The following TBPL1 variants were observed in gnomAD, a reference collection of about 807,000 sequenced individuals.
TBPL1 encodes the protein TATA box-binding protein-like 1.
A neutral mutation model predicts 22.1 loss-of-function variants in TBPL1; 4 were observed. The observed-to-expected ratio is 0.18, with a 90% CI of 0.09 to 0.41. The LOEUF is 0.41. Ranked by LOEUF, TBPL1 falls within the 10% of genes least tolerant of loss-of-function variation. The pLI is 1.00. For missense variants in TBPL1, 115 were observed against 222.3 expected (o/e 0.52, Z 3.07); for synonymous variants, 64 against 71.0 (o/e 0.90, Z 0.50).
At position 133,989,734 on chromosome 6, in the gene TBPL1, A is replaced by T. The variant is rs1190710173; in HGVS notation, c.*2694A>T. 6.6e-6 allele frequency: 1 copy of T among 152,162 alleles called. No homozygotes were observed. Among genetic ancestry groups the T allele is most frequent in the Non-Finnish European group, 1.5e-5 (1 of 68,028 alleles). 9.4% of individuals were successfully genotyped at this position (152,162 alleles called of 1,614,324 possible). On this transcript the variant is annotated 3_prime_UTR_variant, in exon 7 of 7. Transcript: ENST00000237264. ...ACTTACATAGGTTTATAGTCTCTCC[A>T]CATTGTTATAAAGGAATGTAATAGA... is the stretch of plus-strand genomic sequence containing the variant.
intron 1 of TBPL1, among the ~76,000 whole-genome samples, chr6:133,956,082 T>A (rs1775920738): frequency 6.6e-6 from 1 of 152,208 alleles, no homozygotes; most frequent in Non-Finnish European, 1.5e-5. Context: ...GAGGACTGTT[T>A]TTAGATGAAG....
rs528607368 is a variant in TBPL1 at position 133,971,419 on chromosome 6, G to T, written c.-44-8663G>T. 8.5e-5 allele frequency among the ~76,000 whole-genome samples: 13 copies of T among 152,228 alleles called. No individual in the cohort carries two copies. In the South Asian group the frequency reaches 2.5e-3, roughly 29 times the overall value. On this transcript the variant is annotated intron_variant, in intron 1 of 6. Coordinates refer to ENST00000237264, the MANE Select transcript of TBPL1 (RefSeq NM_004865.4). ...CAACATCCTGATTTCATTTTCTTTG[G>T]ATATGTATTCAGCAGTGGGATTGCT...
chr6:133,964,670 G>T (rs991606781), intron 1 of TBPL1, among the ~76,000 whole-genome samples: 1 of 151,908 alleles, frequency 6.6e-6, no homozygotes, highest in Non-Finnish European at 1.5e-5. Flanking sequence ...GGATGGTCTC[G>T]ATCTCCTGAC....
intron 1 of TBPL1, among the ~76,000 whole-genome samples, chr6:133,976,101 A>G (rs1409192446): frequency 1.3e-5 from 2 of 152,210 alleles, no homozygotes; most frequent in Non-Finnish European, 2.9e-5. Context: ...ATGCATTTTC[A>G]TGAATGTTGT....
chr6:133,969,548 G>A (rs978008327), intron 1 of TBPL1, among the ~76,000 whole-genome samples: 4 of 151,970 alleles, frequency 2.6e-5, no homozygotes, highest in Admixed American at 6.6e-5. Flanking sequence ...TTTCACTTAA[G>A]CATTTGTTAA....
Position 133,986,995 on chromosome 6 carries a change from A to G in TBPL1, c.516A>G (p.Glu172=), listed in dbSNP as rs1776538115. 6.2e-7 allele frequency: 1 copy of G among 1,610,452 alleles called. No homozygotes were observed. Among genetic ancestry groups the G allele is most frequent in the African/African-American group, 1.3e-5 (1 of 74,732 alleles). ...PNVKAVATAV[E]QIYPFVFESR... The stretch of plus-strand genomic sequence containing the variant: ...TAAAGGCTGTTGCTACTGCTGTGGA[A>G]CAGATTTACCCATTTGTGTTTGAAA... Residue 172 remains glutamate, a synonymous_variant, in exon 7 of 7, where the codon GAA becomes GAG. Transcript: ENST00000237264.
chr6:133,980,647 C>T (rs1217794806), intron 2 of TBPL1, among the ~76,000 whole-genome samples: 5 of 151,300 alleles, frequency 3.3e-5, no homozygotes, highest in Non-Finnish European at 5.9e-5. Flanking sequence ...TATTCTTTAA[C>T]AAAGGTAGAT....
At chr6:133,970,152 C>A (rs1056043787) in intron 1 of TBPL1, among the ~76,000 whole-genome samples, 1 of 152,176 alleles carries the variant, frequency 6.6e-6, no homozygotes, top group Non-Finnish European at 1.5e-5. Flanking sequence ...TTTCATGTGA[C>A]CTCAATTGAC....
At chr6:133,975,712 C>T (rs771618808) in intron 1 of TBPL1, among the ~76,000 whole-genome samples, 2 of 152,046 alleles carry the variant, frequency 1.3e-5, no homozygotes, top group Non-Finnish European at 2.9e-5. Context: ...GAATATAACA[C>T]TGTGTATAAC....
intron 6 of TBPL1, among the ~76,000 whole-genome samples, chr6:133,985,296 AAATATATATATATATATATATATAT>A (rs1279453107): frequency 1.4e-5 from 1 of 69,006 alleles, no homozygotes; most frequent in Non-Finnish European, 2.8e-5. Flanking sequence ...AAAAAAAAAA[AAATATATATATATATATATATATAT>A]ATATATATAT....
At position 133,988,511 on chromosome 6, in the gene TBPL1, C is replaced by T. The variant is rs995136781; in HGVS notation, c.*1471C>T. 1 of 152,152 alleles carries T rather than the reference C, an allele frequency of 6.6e-6. No individual in the cohort carries two copies. Among genetic ancestry groups the T allele is most frequent in the Non-Finnish European group, 1.5e-5 (1 of 68,016 alleles). 9.4% of individuals were successfully genotyped at this position (152,152 alleles called of 1,614,324 possible). On this transcript the variant is annotated 3_prime_UTR_variant, in exon 7 of 7. Transcript: ENST00000237264. ...ACCTTTGTGGAAAAATTGCAACATCCTAATCTCCATATATAGTACATTTTC... is the reference window on the plus strand; with the variant it reads ...ACCTTTGTGGAAAAATTGCAACATCTTAATCTCCATATATAGTACATTTTC...
chr6:133,956,517 T>C (rs368339431), intron 1 of TBPL1, among the ~76,000 whole-genome samples: 13 of 152,182 alleles, frequency 8.5e-5, no homozygotes, highest in African/African-American at 2.4e-4. Flanking sequence ...GACTTCATCA[T>C]GCCTGCTAAA....
At chr6:133,966,896 C>G (rs1776129254) in intron 1 of TBPL1, among the ~76,000 whole-genome samples, 1 of 152,198 alleles carries the variant, frequency 6.6e-6, no homozygotes, top group African/African-American at 2.4e-5. Flanking sequence ...TTCAGTCCAT[C>G]CTCCCATTGC....
intron 1 of TBPL1, 110 bp from the exon 2 acceptor site, chr6:133,979,972 A>C: frequency 1.1e-6 from 1 of 885,556 alleles, no homozygotes; most frequent in Non-Finnish European, 1.6e-6. Flanking sequence ...TTCTAGTAAC[A>C]TTTGAAAAAT....
chr6:133,967,453 T>G (rs1180004258), intron 1 of TBPL1, among the ~76,000 whole-genome samples: 1 of 152,174 alleles, frequency 6.6e-6, no homozygotes, highest in Non-Finnish European at 1.5e-5. Context: ...TACAAATGGT[T>G]AGTAATATAG....
At chr6:133,977,257 T>C (rs972708706) in intron 1 of TBPL1, among the ~76,000 whole-genome samples, 13 of 152,328 alleles carry the variant, frequency 8.5e-5, no homozygotes, top group Admixed American at 2.6e-4. Context: ...CAATCTTTTC[T>C]GAGCCTGCTT....
chr6:133,960,829 C>T (rs1414579728), intron 1 of TBPL1, among the ~76,000 whole-genome samples: 1 of 151,938 alleles, frequency 6.6e-6, no homozygotes, highest in Non-Finnish European at 1.5e-5. Flanking sequence ...TGAGTTAGAA[C>T]CCTTGGGGAT....
At chr6:133,956,868 C>G (rs1775936055) in intron 1 of TBPL1, among the ~76,000 whole-genome samples, 1 of 152,198 alleles carries the variant, frequency 6.6e-6, no homozygotes, top group Admixed American at 6.5e-5. Context: ...ATGACTACCA[C>G]TTTGGGAAAT....
intron 1 of TBPL1, among the ~76,000 whole-genome samples, chr6:133,955,886 T>C (rs1481068098): frequency 6.6e-6 from 1 of 152,230 alleles, no homozygotes; most frequent in Non-Finnish European, 1.5e-5. Context: ...ATTCTTAACA[T>C]AGAAAATTGT....
Sources: allele counts gnomAD v4.1 joint callset (sites outside exome capture counted in the v4.1 genomes callset), GRCh38; gene constraint gnomAD v4.1.1; transcripts MANE v1.5; gene names NCBI Gene and HGNC (gene_info 2026-07-23, HGNC 2026-07-21).